Variants in SMARCA2 observed in about 807,000 individuals in gnomAD.
The protein encoded by SMARCA2 is SWI/SNF-related matrix-associated actin-dependent regulator of chromatin subfamily A member 2.
Under a neutral mutation model 199.8 loss-of-function variants are expected in SMARCA2, and 61 were observed. The ratio of observed to expected loss-of-function variants is 0.31; its 90% CI spans 0.25 to 0.38. SMARCA2 has a LOEUF of 0.38. Ranked by LOEUF, SMARCA2 falls within the 10% of genes least tolerant of loss-of-function variation. The probability of loss-of-function intolerance (pLI) is 1.00; values close to 1 mark genes in which losing one functional copy is unlikely to be tolerated. For missense variants in SMARCA2, 1,344 were observed against 2,012.2 expected, an observed-to-expected ratio of 0.67 and a Z score of 6.35; for synonymous variants, 935 against 732.0, an observed-to-expected ratio of 1.28 and a Z score of -4.48.
intron 23 of SMARCA2, among the ~76,000 whole-genome samples, chr9:2,106,324 C>T (rs1043105146): frequency 2.0e-5 from 3 of 152,260 alleles, no homozygotes; most frequent in South Asian, 4.1e-4. Flanking sequence ...TGATTTTGAA[C>T]TTATTTAAAA....
chr9:2,076,750 C>G (rs1212894741), intron 13 of SMARCA2, among the ~76,000 whole-genome samples: 1 of 151,954 alleles, frequency 6.6e-6, no homozygotes, highest in African/African-American at 2.4e-5. Flanking sequence ...TGAGAGACAC[C>G]ATTCCTGTCT....
At chr9:2,097,547 G>GT in intron 21 of SMARCA2, 76 bp downstream of exon 21, 2 of 884,096 alleles carry the variant, frequency 2.3e-6, no homozygotes, top group South Asian at 1.6e-5. Context: ...CAAACAAACA[G>GT]GAAAAAAAAA....
chr9:2,060,025 G>GT, intron 8 of SMARCA2, among the ~76,000 whole-genome samples: 1 of 141,382 alleles, frequency 7.1e-6, no homozygotes, highest in East Asian at 2.3e-4. Context: ...GGGAATTACT[G>GT]TATCTATTTT....
At chr9:2,100,650 C>T (rs1463852629) in intron 21 of SMARCA2, among the ~76,000 whole-genome samples, 1 of 151,642 alleles carries the variant, frequency 6.6e-6, no homozygotes, top group Admixed American at 6.6e-5. Flanking sequence ...TTGCAATGAG[C>T]TGAGACTGCG....
chr9:2,041,045 G>A, intron 4 of SMARCA2: 1 of 266,536 alleles, frequency 3.8e-6, no homozygotes, highest in Non-Finnish European at 7.0e-6. Flanking sequence ...CTGACATGCA[G>A]GTTGTTGCAA....
At chr9:2,162,877 G>A (rs1234028663) in intron 28 of SMARCA2, 1 of 152,140 alleles carries the variant, frequency 6.6e-6, no homozygotes, top group Non-Finnish European at 1.5e-5. Flanking sequence ...ATTGTCCTCG[G>A]ATAGAGGAGG....
chr9:2,060,670 G>A (rs539525010), intron 8 of SMARCA2, 146 bp from the exon 9 acceptor site: 73 of 641,442 alleles, frequency 1.1e-4, no homozygotes, highest in Non-Finnish European at 1.8e-4. Flanking sequence ...TTCAGACTCT[G>A]TGCAATGGCT....
At chr9:2,184,345 G>A (rs1241690578) in intron 31 of SMARCA2, among the ~76,000 whole-genome samples, 1 of 139,966 alleles carries the variant, frequency 7.1e-6, no homozygotes, top group African/African-American at 2.7e-5. Context: ...CAAAACATAG[G>A]ATAATATCTT....
At chr9:2,156,768 A>T (rs1306836367) in intron 27 of SMARCA2, among the ~76,000 whole-genome samples, 4 of 152,152 alleles carry the variant, frequency 2.6e-5, no homozygotes, top group Non-Finnish European at 4.4e-5. Context: ...CAGTAACATG[A>T]AGTACATTTA....
chr9:2,186,134 G>C lies in SMARCA2; in HGVS notation c.4500G>C (p.Lys1500Asn), dbSNP rs774885198. ...CCATCGTCTTACAGTCAGTGTTTAA[G>C]AGTGCCCGGCAGAAAATTGCCAAAG... ...EDSIVLQSVF[K>N]SARQKIAKEE... Residue 1500 changes from lysine to asparagine, a missense_variant, in exon 32 of 34, where the codon AAG (lysine) becomes AAC (asparagine). Lys to Asn is a moderately conservative substitution (Grantham distance 94, BLOSUM62 0). Around this residue, in one of 18 missense-constraint regions of SMARCA2, gnomAD observed 155 missense variants for 121.1 expected, o/e 1.28. Transcript: ENST00000349721. The C allele has an allele frequency of 2.8e-5, 45 of 1,613,966 alleles. No individual in the cohort carries two copies. The highest frequency in any genetic ancestry group is 3.5e-5 in the Non-Finnish European group (41 of 1,179,950).
intron 27 of SMARCA2, among the ~76,000 whole-genome samples, chr9:2,152,871 G>T (rs939090962): frequency 5.9e-5 from 9 of 151,670 alleles, no homozygotes; most frequent in African/African-American, 2.2e-4. Context: ...AAAAATAAAA[G>T]AATTTATAAA....
In SMARCA2 at chr9:2,070,318, G is replaced by T. The variant is rs568902319; in HGVS notation, c.1693-100G>T. On this transcript the variant is annotated intron_variant, in intron 9 of 33. Coordinates refer to ENST00000349721, the MANE Select transcript of SMARCA2 (RefSeq NM_003070.5). Reference sequence around the variant, plus strand: ...CACTTAAGCTGTGTTAGATAATAATGGGGTAACAATGAAATCCTATTACAT... The same window carrying T: ...CACTTAAGCTGTGTTAGATAATAATTGGGTAACAATGAAATCCTATTACAT... 4 of 900,000 alleles carry T rather than the reference G, an allele frequency of 4.4e-6. No individual in the cohort carries two copies. In the African/African-American group the frequency reaches 6.5e-5, roughly 15 times the overall value. 55.8% of individuals were successfully genotyped at this position (900,000 alleles called of 1,614,324 possible).
chr9:2,127,349 T>C (rs905765514), intron 27 of SMARCA2, among the ~76,000 whole-genome samples: 1 of 152,102 alleles, frequency 6.6e-6, no homozygotes, highest in Non-Finnish European at 1.5e-5. Context: ...AGGGTATAGA[T>C]AGATGTGGGT....
chr9:2,077,499 C>G (rs559768276), intron 13 of SMARCA2, 130 bp from the exon 14 acceptor site: 2 of 814,654 alleles, frequency 2.5e-6, no homozygotes, highest in Non-Finnish European at 4.0e-6. Flanking sequence ...AACTGCATGG[C>G]AAGTCGTGGT....
intron 27 of SMARCA2, among the ~76,000 whole-genome samples, chr9:2,138,256 G>C (rs1287207067): frequency 6.6e-6 from 1 of 151,726 alleles, no homozygotes; most frequent in East Asian, 1.9e-4. Flanking sequence ...TTAGTTTTGT[G>C]TGTTTTCCGT....
intron 4 of SMARCA2, 123 bp from the exon 5 acceptor site, chr9:2,047,106 C>A: frequency 1.1e-5 from 7 of 625,944 alleles, no homozygotes; most frequent in Non-Finnish European, 1.4e-5. Context: ...TCCTTCTCTT[C>A]CCTCAGGTGT....
chr9:2,059,041 A>C (rs1387787142), intron 8 of SMARCA2, among the ~76,000 whole-genome samples: 1 of 152,140 alleles, frequency 6.6e-6, no homozygotes, highest in African/African-American at 2.4e-5. Context: ...TTACATTTGC[A>C]CTGTTATTTT....
intron 27 of SMARCA2, chr9:2,160,812 C>A: frequency 1.0e-5 from 3 of 299,062 alleles, no homozygotes; most frequent in Non-Finnish European, 1.8e-5. Context: ...ATTTTATGTT[C>A]TTTTTTTTTT....
At position 2,163,798 on chromosome 9, in the gene SMARCA2, A is replaced by C. The variant is rs3793507; in HGVS notation, c.4199+1895A>C. The stretch of plus-strand genomic sequence containing the variant: ...TGGAGGTTGAGAAGCTAGGCCTTTC[A>C]TTCTAAGGTGATGGCTGTGTCTTTC... On this transcript the variant is annotated intron_variant, in intron 28 of 33. Transcript: ENST00000349721. Among the ~76,000 whole-genome samples, 35 of 152,280 alleles carry C rather than the reference A, an allele frequency of 2.3e-4. No homozygotes were observed. The East Asian group carries it at 6.6e-3, about 29-fold the overall frequency.
Sources: allele counts gnomAD v4.1 joint callset (sites outside exome capture counted in the v4.1 genomes callset), GRCh38; gene constraint gnomAD v4.1.1; regional missense constraint gnomAD v4.1.1; transcripts MANE v1.5; gene names NCBI Gene and HGNC (gene_info 2026-07-23, HGNC 2026-07-21).